RBFOX1: variants seen among roughly 807,000 people sequenced by gnomAD.
RBFOX1 encodes the protein RNA binding protein fox-1 homolog 1.
A neutral mutation model predicts 57.7 loss-of-function variants in RBFOX1; 8 were observed. That is an observed-to-expected ratio of 0.14 (90% CI 0.08 to 0.25). RBFOX1 has a LOEUF of 0.25. Among genes scored for constraint, RBFOX1 ranks in the 10% least tolerant of loss-of-function variants. RBFOX1 has a pLI of 1.00. For synonymous variants in RBFOX1, 326 were observed against 222.4 expected (o/e 1.47, Z -4.15); for missense variants, 611 against 548.5 (o/e 1.11, Z -1.14).
chr16:7,687,278 G>C (rs1006880069), intron 14 of RBFOX1, among the ~76,000 whole-genome samples: 56 of 152,046 alleles, frequency 3.7e-4, no homozygotes, highest in Admixed American at 1.7e-3. Flanking sequence ...TAGAGTATTA[G>C]TATTTTATGT....
rs536828693 is a variant in RBFOX1 at position 7,128,910 on chromosome 16, T to G, written c.27+76812T>G. ...ATCTCGGCTCACTGCAACCTCCGCC[T>G]CCTGGGTTCAAGCCATTCTCCTGCC... On this transcript the variant is annotated intron_variant, in intron 4 of 15. Transcript: ENST00000550418. 2.7e-5 allele frequency among the ~76,000 whole-genome samples: 4 copies of G among 146,984 alleles called. No homozygotes were observed. The South Asian group carries it at 9.1e-4, about 33-fold the overall frequency.
At chr16:6,430,095 C>G (rs964488078) in intron 2 of RBFOX1, among the ~76,000 whole-genome samples, 20 of 150,318 alleles carry the variant, frequency 1.3e-4, no homozygotes, top group Admixed American at 2.0e-4. Flanking sequence ...GCAACAAGAG[C>G]GAAACTCCAT....
At chr16:7,531,681 G>C (rs1392589032) in intron 5 of RBFOX1, among the ~76,000 whole-genome samples, 1 of 152,156 alleles carries the variant, frequency 6.6e-6, no homozygotes, top group Non-Finnish European at 1.5e-5. Context: ...TGAGGCACAG[G>C]TATGAAGCAA....
intron 4 of RBFOX1, among the ~76,000 whole-genome samples, chr16:5,941,981 C>G (rs139539860): frequency 1.4e-4 from 21 of 151,688 alleles, no homozygotes; most frequent in African/African-American, 4.4e-4. Context: ...TAAATCATAT[C>G]TGACACTGAA....
chr16:7,136,439 T>A (rs2071999149), intron 4 of RBFOX1, among the ~76,000 whole-genome samples: 1 of 150,184 alleles, frequency 6.7e-6, no homozygotes, highest in African/African-American at 2.5e-5. Flanking sequence ...CAGGGTCTTG[T>A]TCTGTTATCC....
intron 3 of RBFOX1, among the ~76,000 whole-genome samples, chr16:6,677,517 A>G (rs1297024007): frequency 6.6e-6 from 1 of 152,234 alleles, no homozygotes; most frequent in Non-Finnish European, 1.5e-5. Context: ...AGAATTCCAT[A>G]TCAAAAACAT....
chr16:5,421,907 A>G (rs145535039), intron 1 of RBFOX1, among the ~76,000 whole-genome samples: 30 of 152,248 alleles, frequency 2.0e-4, no homozygotes, highest in East Asian at 3.9e-4. Flanking sequence ...CCCAAACTCA[A>G]TATCATTTTT....
At chr16:6,542,483 C>CTTTTTTTTTTTTTTTTTTTTTTTTT (rs71145245) in intron 2 of RBFOX1, among the ~76,000 whole-genome samples, 1 of 55,720 alleles carries the variant, frequency 1.8e-5, no homozygotes, top group African/African-American at 7.6e-5. Context: ...GGACCATAGT[C>CTTTTTTTTTTTTTTTTTTTTTTTTT]TTTTTTTTTT....
At chr16:5,630,302 C>A (rs539907808) in intron 3 of RBFOX1, among the ~76,000 whole-genome samples, 93 of 152,076 alleles carry the variant, frequency 6.1e-4, no homozygotes, top group Non-Finnish European at 1.2e-4. Context: ...ACTAAAAATA[C>A]AAAAATTAGC....
At chr16:5,974,955 C>T (rs2152303312) in intron 4 of RBFOX1, among the ~76,000 whole-genome samples, 1 of 152,250 alleles carries the variant, frequency 6.6e-6, no homozygotes, top group Middle Eastern at 3.4e-3. Context: ...TTGCGGTGAG[C>T]AGAGAACACG....
chr16:7,003,895 T>G (rs2093060318), intron 3 of RBFOX1: 1 of 152,076 alleles, frequency 6.6e-6, no homozygotes, highest in African/African-American at 2.4e-5. Flanking sequence ...TGGCTTTCAG[T>G]GGGTCAATGA....
At chr16:7,600,169 G>C (rs2094934716) in intron 9 of RBFOX1, among the ~76,000 whole-genome samples, 1 of 152,140 alleles carries the variant, frequency 6.6e-6, no homozygotes, top group Admixed American at 6.5e-5. Context: ...TCAGTCATAT[G>C]GGTCTGTCAT....
At chr16:6,507,190 A>T (rs535958655) in intron 2 of RBFOX1, among the ~76,000 whole-genome samples, 1 of 152,250 alleles carries the variant, frequency 6.6e-6, no homozygotes, top group South Asian at 2.1e-4. Context: ...AGACATCCCA[A>T]GACCTAGTTT....
intron 3 of RBFOX1, among the ~76,000 whole-genome samples, chr16:6,700,240 A>G (rs1046457504): frequency 2.0e-5 from 3 of 152,120 alleles, no homozygotes; most frequent in Non-Finnish European, 4.4e-5. Context: ...TCCTTTCCTG[A>G]TCTCAGGGCT....
chr16:5,590,175 A>C (rs1667265565), intron 2 of RBFOX1, among the ~76,000 whole-genome samples: 2 of 151,998 alleles, frequency 1.3e-5, no homozygotes, highest in Admixed American at 1.3e-4. Flanking sequence ...TTTTTCCTGC[A>C]GTCTGAAACG....
chr16:5,904,803 C>T (rs982237223), intron 4 of RBFOX1, among the ~76,000 whole-genome samples: 2 of 151,538 alleles, frequency 1.3e-5, no homozygotes, highest in Non-Finnish European at 2.9e-5. Context: ...CAGTGAAACC[C>T]TGTCTCTACT....
chr16:5,718,209 G>T (rs1281024130), intron 3 of RBFOX1, among the ~76,000 whole-genome samples: 1 of 152,202 alleles, frequency 6.6e-6, no homozygotes, highest in Non-Finnish European at 1.5e-5. Context: ...AACAGATTCA[G>T]TCTATCTTAA....
intron 4 of RBFOX1, among the ~76,000 whole-genome samples, chr16:7,215,868 G>A (rs1369086563): frequency 6.6e-6 from 1 of 151,962 alleles, no homozygotes; most frequent in Non-Finnish European, 1.5e-5. Context: ...GGGACTACAG[G>A]CGTCTGCCAC....
At chr16:5,447,039 G>C (rs77094531) in intron 1 of RBFOX1, among the ~76,000 whole-genome samples, 1 of 152,250 alleles carries the variant, frequency 6.6e-6, no homozygotes, top group African/African-American at 2.4e-5. Flanking sequence ...GCACCCAATA[G>C]ATGCTAATCT....
Sources: gnomAD v4.1 joint callset for allele counts (sites outside exome capture counted in the v4.1 genomes callset) on GRCh38, gnomAD v4.1.1 for gene constraint, MANE v1.5 for transcripts, NCBI Gene and HGNC (gene_info 2026-07-23, HGNC 2026-07-21) for gene names.